ANO5: variants seen among roughly 807,000 people sequenced by gnomAD.
The protein encoded by ANO5 is anoctamin-5.
In ANO5, 109 loss-of-function variants were observed where a neutral mutation model predicts 121.0. That is an observed-to-expected ratio of 0.90 (90% confidence interval 0.77 to 1.06). ANO5 has a LOEUF of 1.06. Ranked by LOEUF, ANO5 falls within the 50% of genes least tolerant of loss-of-function variation. The probability of loss-of-function intolerance (pLI) is 0.00; values close to 1 mark genes in which losing one functional copy is unlikely to be tolerated. For missense variants in ANO5, 1,064 were observed against 1,078.5 expected (o/e 0.99, Z 0.19); for synonymous variants, 406 against 359.9 (o/e 1.13, Z -1.45).
In ANO5 at chr11:22,279,694, A is replaced by T. The variant is rs751365803; in HGVS notation, c.2671A>T (p.Asn891Tyr). 2 of 1,612,870 alleles carry T rather than the reference A, an allele frequency of 1.2e-6. No homozygotes were observed. Among genetic ancestry groups the T allele is most frequent in the Non-Finnish European group, 1.7e-6 (2 of 1,179,132 alleles). The change falls in exon 22 of 22, where the codon AAT becomes TAT. Residue 891 changes from asparagine to tyrosine, a missense_variant. Coordinates refer to ENST00000324559, the MANE Select transcript of ANO5 (RefSeq NM_213599.3). The stretch of plus-strand genomic sequence containing the variant: ...CAAATTAAAAGAGAACTTGGGAATT[A>T]ATTCTAATGAATTTGCCAAGCATGT... ...LNKLKENLGINSNEFAKHVMI... is the reference protein window; with the variant it reads ...LNKLKENLGIYSNEFAKHVMI...
chr11:22,209,557 A>G (rs1489383498), intron 2 of ANO5, among the ~76,000 whole-genome samples: 1 of 151,914 alleles, frequency 6.6e-6, no homozygotes, highest in Non-Finnish European at 1.5e-5. Flanking sequence ...GATTCTGAAC[A>G]CAGGTAATCT....
intron 15 of ANO5, among the ~76,000 whole-genome samples, chr11:22,259,998 G>C (rs1295979631): frequency 6.7e-6 from 1 of 149,132 alleles, no homozygotes; most frequent in Non-Finnish European, 1.5e-5. Context: ...CAGTATCCTT[G>C]TCTTAATTCT....
At chr11:22,242,392 A>C (rs1258005784) in intron 9 of ANO5, among the ~76,000 whole-genome samples, 1 of 152,072 alleles carries the variant, frequency 6.6e-6, no homozygotes, top group Non-Finnish European at 1.5e-5. Flanking sequence ...TTATGGTTCT[A>C]TGTTAATGTT....
chr11:22,266,896 C>A (rs530895776), intron 17 of ANO5, among the ~76,000 whole-genome samples: 26 of 152,204 alleles, frequency 1.7e-4, no homozygotes, highest in African/African-American at 6.3e-4. Flanking sequence ...TTGGGACAAC[C>A]AAAATATCTC....
At chr11:22,234,449 T>C (rs928661614) in intron 7 of ANO5, among the ~76,000 whole-genome samples, 1 of 152,162 alleles carries the variant, frequency 6.6e-6, no homozygotes, top group African/African-American at 2.4e-5. Context: ...TTGATATTTG[T>C]TCTTGCTTCA....
chr11:22,203,631 T>C (rs1468651702), intron 1 of ANO5, among the ~76,000 whole-genome samples, 173 bp from the exon 2 acceptor site: 3 of 152,182 alleles, frequency 2.0e-5, no homozygotes, highest in East Asian at 1.9e-4. Flanking sequence ...AAGACTTCTT[T>C]TGGAGTCTGT....
intron 10 of ANO5, 80 bp from the exon 11 acceptor site, chr11:22,250,661 G>A: frequency 7.5e-7 from 1 of 1,338,722 alleles, no homozygotes; most frequent in Non-Finnish European, 1.1e-6. Flanking sequence ...AGTTATATAA[G>A]TAGTTGTTCT....
chr11:22,221,096 G>A lies in ANO5; in HGVS notation c.181-1G>A. The A allele has an allele frequency of 6.2e-7, 1 of 1,607,034 alleles. No individual in the cohort carries two copies. The highest frequency in any genetic ancestry group is 8.5e-7 in the Non-Finnish European group (1 of 1,174,584). ...AATTGTGTCATTTATGTCTCCTGCA[G>A]TTTCAAAAAAATCAGCAAAGCAAAG... is the stretch of plus-strand genomic sequence containing the variant. On this transcript the variant is annotated splice_acceptor_variant, in intron 4 of 21. Coordinates refer to ENST00000324559, the MANE Select transcript of ANO5 (RefSeq NM_213599.3). LOFTEE classifies it high-confidence loss of function.
At chr11:22,261,920 C>T (rs929678020) in intron 15 of ANO5, among the ~76,000 whole-genome samples, 5 of 152,138 alleles carry the variant, frequency 3.3e-5, no homozygotes, top group Admixed American at 2.0e-4. Context: ...GCTTCCTAGG[C>T]TTTTCCAGTG....
intron 17 of ANO5, among the ~76,000 whole-genome samples, chr11:22,266,739 A>G (rs961682470): frequency 2.0e-5 from 3 of 152,058 alleles, no homozygotes; most frequent in Admixed American, 1.3e-4. Context: ...TTATTTTTTA[A>G]TAATATGTTT....
intron 8 of ANO5, among the ~76,000 whole-genome samples, chr11:22,238,123 T>G (rs963762125): frequency 3.2e-4 from 48 of 152,256 alleles, no homozygotes; most frequent in African/African-American, 1.2e-3. Context: ...GAGGGCCCAC[T>G]GTCACAATTT....
At chr11:22,255,664 T>TATAC in intron 13 of ANO5, 142 bp downstream of exon 13, 1 of 899,252 alleles carries the variant, frequency 1.1e-6, no homozygotes, top group Non-Finnish European at 1.7e-6. Flanking sequence ...TTGTTTCTAA[T>TATAC]ATACATACAT....
intron 1 of ANO5, among the ~76,000 whole-genome samples, chr11:22,199,350 A>T (rs1448867684): frequency 6.6e-6 from 1 of 152,178 alleles, no homozygotes; most frequent in Non-Finnish European, 1.5e-5. Flanking sequence ...CACTTATGAC[A>T]GCTGAGAGCT....
chr11:22,214,408 C>A, intron 3 of ANO5, among the ~76,000 whole-genome samples: 1 of 151,800 alleles, frequency 6.6e-6, no homozygotes, highest in Admixed American at 6.6e-5. Flanking sequence ...AAAGAAAAAT[C>A]TGTATAAATT....
chr11:22,255,329 A>G (rs759349121), intron 12 of ANO5, 42 bp from the exon 13 acceptor site: 1 of 1,478,766 alleles, frequency 6.8e-7, no homozygotes, highest in Non-Finnish European at 9.1e-7. Context: ...AAAGTTTTTA[A>G]CTTTTTTAAT....
intron 21 of ANO5, among the ~76,000 whole-genome samples, chr11:22,278,570 A>G (rs184431243): frequency 4.4e-5 from 6 of 137,530 alleles, no homozygotes; most frequent in Non-Finnish European, 7.7e-5. Context: ...ACTTACCTAC[A>G]TATTTGGTGG....
chr11:22,239,329 A>G (rs1325143380), intron 8 of ANO5, among the ~76,000 whole-genome samples: 1 of 152,144 alleles, frequency 6.6e-6, no homozygotes, highest in African/African-American at 2.4e-5. Flanking sequence ...AGGTGAAAGA[A>G]TAGCTTGAGT....
At chr11:22,252,132 T>C (rs1317552384) in intron 12 of ANO5, among the ~76,000 whole-genome samples, 1 of 151,006 alleles carries the variant, frequency 6.6e-6, no homozygotes, top group Non-Finnish European at 1.5e-5. Flanking sequence ...GAGGGATTTA[T>C]GGCTTTCTCT....
chr11:22,248,747 G>C (rs1235496155), intron 9 of ANO5, among the ~76,000 whole-genome samples: 6 of 151,830 alleles, frequency 4.0e-5, no homozygotes, highest in Non-Finnish European at 5.9e-5. Flanking sequence ...GGAGAAAAAA[G>C]TAGTACTTTA....
Sources: allele counts gnomAD v4.1 joint callset (sites outside exome capture counted in the v4.1 genomes callset), GRCh38; gene constraint gnomAD v4.1.1; transcripts MANE v1.5; gene names NCBI Gene and HGNC (gene_info 2026-07-23, HGNC 2026-07-21).